The following PBX1 variants were observed in gnomAD, a reference collection of about 807,000 sequenced individuals.
PBX1 encodes the protein PBX homeobox 1.
PBX1 carries 6 observed loss-of-function variants against 53.4 expected under a neutral mutation model. That is an observed-to-expected ratio of 0.11 (90% CI 0.06 to 0.22). PBX1 has a LOEUF of 0.22. PBX1 is among the 10% of genes least tolerant of loss of function. PBX1 has a pLI of 1.00. For missense variants in PBX1, 251 were observed against 551.4 expected (o/e 0.46, Z 5.46); for synonymous variants, 204 against 212.3 (o/e 0.96, Z 0.34).
At chr1:164,881,303 G>GGGAA (rs10615738) in intron 2 of PBX1, among the ~76,000 whole-genome samples, 26 of 123,410 alleles carry the variant, frequency 2.1e-4, no homozygotes, top group Middle Eastern at 4.2e-3. Context: ...GAAGGAAAGA[G>GGGAA]GGAAGGAAGG....
At chr1:164,773,243 G>GCA (rs60518864) in intron 2 of PBX1, among the ~76,000 whole-genome samples, 4,945 of 147,728 alleles carry the variant, frequency 0.033, 105 homozygotes, top group Middle Eastern at 0.11. Flanking sequence ...GGTAACACGC[G>GCA]CACACACACA....
intron 2 of PBX1, among the ~76,000 whole-genome samples, chr1:164,763,954 G>T (rs1040917999): frequency 2.0e-5 from 3 of 152,184 alleles, no homozygotes; most frequent in Non-Finnish European, 2.9e-5. Flanking sequence ...AACTTTAATA[G>T]AATGGTTTAT....
At chr1:164,592,556 G>C (rs1310871546) in intron 2 of PBX1, among the ~76,000 whole-genome samples, 4 of 152,240 alleles carry the variant, frequency 2.6e-5, no homozygotes, top group African/African-American at 9.6e-5. Context: ...AGCAGAGTCT[G>C]AGGGTGCTGG....
chr1:164,816,785 A>G (rs1395159552), intron 6 of PBX1: 1 of 151,222 alleles, frequency 6.6e-6, no homozygotes, highest in Non-Finnish European at 1.5e-5. Context: ...AAGCTTTATC[A>G]TTATTATTAT....
At chr1:164,700,663 C>T in intron 2 of PBX1, 1 of 985,266 alleles carries the variant, frequency 1.0e-6, no homozygotes, top group Non-Finnish European at 1.2e-6. Flanking sequence ...CAGGTGGAGA[C>T]CCTGCAGCAG....
chr1:164,718,666 C>T (rs960533278), intron 2 of PBX1, among the ~76,000 whole-genome samples: 39 of 152,284 alleles, frequency 2.6e-4, no homozygotes, highest in African/African-American at 8.4e-4. Flanking sequence ...CCACCTCTAC[C>T]GCTTCGTAAA....
In PBX1 at chr1:164,812,025, C is replaced by T. The variant is rs760848613; in HGVS notation, c.873C>T (p.Tyr291=). The part of the protein sequence containing the change: ...SNWFGNKRIR[Y]KKNIGKFQEE... ...GGTTTGGAAATAAGCGAATCCGGTA[C>T]AAGAAGAACATAGGTAAATTTCAAG... Residue 291 remains tyrosine, a synonymous_variant, in exon 6 of 9, where the codon TAC becomes TAT. Coordinates refer to ENST00000420696, the MANE Select transcript of PBX1 (RefSeq NM_002585.4). The T allele has an allele frequency of 5.6e-6, 9 of 1,613,484 alleles. No individual in the cohort carries two copies. The highest frequency in any genetic ancestry group is 7.6e-6 in the Non-Finnish European group (9 of 1,179,720).
chr1:164,736,049 C>G (rs1665251733), intron 2 of PBX1, among the ~76,000 whole-genome samples: 1 of 152,094 alleles, frequency 6.6e-6, no homozygotes. Flanking sequence ...TCCTGCAAGT[C>G]AAAACGTTGG....
At chr1:164,590,433 A>G (rs1323030060) in intron 2 of PBX1, 1 of 455,844 alleles carries the variant, frequency 2.2e-6, no homozygotes, top group Non-Finnish European at 4.4e-6. Flanking sequence ...CCTGTGCTTC[A>G]GGTAAACAAG....
intron 2 of PBX1, among the ~76,000 whole-genome samples, chr1:164,618,595 G>A (rs1657458827): frequency 6.6e-6 from 1 of 152,208 alleles, no homozygotes; most frequent in Non-Finnish European, 1.5e-5. Context: ...ATATTTAGAT[G>A]CTACTCCTGA....
At chr1:164,685,206 T>C (rs2102007185) in intron 2 of PBX1, among the ~76,000 whole-genome samples, 1 of 152,316 alleles carries the variant, frequency 6.6e-6, no homozygotes, top group African/African-American at 2.4e-5. Flanking sequence ...ATTCCACCAG[T>C]GTTTTATTCA....
chr1:164,729,188 T>C (rs1479519675), intron 2 of PBX1, among the ~76,000 whole-genome samples: 6 of 152,218 alleles, frequency 3.9e-5, no homozygotes, highest in African/African-American at 1.2e-4. Flanking sequence ...AATATGTGGT[T>C]GAATTCTTAC....
At chr1:164,771,860 C>T (rs751622867) in intron 2 of PBX1, among the ~76,000 whole-genome samples, 31 of 152,126 alleles carry the variant, frequency 2.0e-4, no homozygotes, top group Non-Finnish European at 4.1e-4. Context: ...CATCTGCCCC[C>T]GCCAGACCTG....
chr1:164,709,378 A>G (rs796610129), intron 2 of PBX1, among the ~76,000 whole-genome samples: 3 of 152,190 alleles, frequency 2.0e-5, no homozygotes, highest in South Asian at 4.1e-4. Context: ...AGCTGGGTCC[A>G]TTGAAACAGA....
chr1:164,844,382 C>CT (rs1303035101), intron 8 of PBX1, among the ~76,000 whole-genome samples: 5 of 152,046 alleles, frequency 3.3e-5, no homozygotes, highest in African/African-American at 1.2e-4. Context: ...GCCTGTCTGT[C>CT]TACCTACCTA....
intron 3 of PBX1, among the ~76,000 whole-genome samples, chr1:164,798,725 T>C (rs1164472725): frequency 6.6e-6 from 1 of 152,224 alleles, no homozygotes; most frequent in Non-Finnish European, 1.5e-5. Flanking sequence ...CCTGAGAATT[T>C]TTATTTCTGC....
chr1:164,741,028 C>T (rs1665574872), intron 2 of PBX1, among the ~76,000 whole-genome samples: 1 of 152,186 alleles, frequency 6.6e-6, no homozygotes, highest in South Asian at 2.1e-4. Context: ...CTCATGTTTG[C>T]ATTAATAAAG....
At chr1:164,592,006 A>C (rs1655419244) in intron 2 of PBX1, among the ~76,000 whole-genome samples, 1 of 151,836 alleles carries the variant, frequency 6.6e-6, no homozygotes, top group Non-Finnish European at 1.5e-5. Flanking sequence ...GGTATAATTG[A>C]TGAGTTATTC....
chr1:164,669,628 G>T (rs1661007135), intron 2 of PBX1, among the ~76,000 whole-genome samples: 1 of 152,148 alleles, frequency 6.6e-6, no homozygotes, highest in South Asian at 2.1e-4. Context: ...CTGACCTTCT[G>T]TCTCTGGGCA....
Sources: allele counts gnomAD v4.1 joint callset (sites outside exome capture counted in the v4.1 genomes callset), GRCh38; gene constraint gnomAD v4.1.1; transcripts MANE v1.5; gene names NCBI Gene and HGNC (gene_info 2026-07-23, HGNC 2026-07-21).